P3H2: variants seen among roughly 807,000 people sequenced by gnomAD.
P3H2 encodes leprecan-like 1.
P3H2 carries 80 observed loss-of-function variants against 87.0 expected under a neutral mutation model. The ratio of observed to expected loss-of-function variants is 0.92; its 90% CI spans 0.77 to 1.11. The LOEUF (loss-of-function observed/expected upper bound fraction) is 1.11, where lower values mean the gene tolerates loss of function less well. P3H2 is among the 50% of genes least tolerant of loss of function. The pLI, the probability that P3H2 is intolerant of heterozygous loss-of-function variation, is 0.00. For synonymous variants in P3H2, 367 were observed against 359.3 expected (o/e 1.02, Z -0.24); for missense variants, 1,001 against 923.9 (o/e 1.08, Z -1.08).
At chr3:189,979,517 A>C (rs1023993240) in intron 8 of P3H2, among the ~76,000 whole-genome samples, 1 of 152,168 alleles carries the variant, frequency 6.6e-6, no homozygotes, top group African/African-American at 2.4e-5. Context: ...AGGGCCCAGA[A>C]AAATTGAGTC....
chr3:190,103,789 T>C (rs1245205675), intron 1 of P3H2, among the ~76,000 whole-genome samples: 1 of 152,024 alleles, frequency 6.6e-6, no homozygotes, highest in African/African-American at 2.4e-5. Context: ...ATTAGAAAAG[T>C]TTTTCAGTAG....
chr3:189,994,055 T>A, intron 3 of P3H2, 39 bp downstream of exon 3: 2 of 1,485,294 alleles, frequency 1.3e-6, no homozygotes, highest in Non-Finnish European at 1.9e-6. Context: ...AGTATTTTTA[T>A]AATCAAGAAA....
Position 190,066,158 on chromosome 3 carries a change from T to TATATATATATATATATATACACACACAC in P3H2, c.480+54093_480+54094insGTGTGTGTGTATATATATATATATATAT, listed in dbSNP as rs1256956930. Among the ~76,000 whole-genome samples, 304 of 134,394 alleles carry TATATATATATATATATATACACACACAC rather than the reference T, an allele frequency of 2.3e-3. 1 individual carries two copies. The highest frequency in any genetic ancestry group is 7.9e-3 in the Middle Eastern group (2 of 252). 88.2% of individuals were successfully genotyped at this position (134,394 alleles called of 152,430 possible). ...ACTGTGGTGTGTATATATATATATA[T>TATATATATATATATATATACACACACAC]ACACACACACACACACACACATATA... On this transcript the variant is annotated intron_variant, in intron 1 of 14. Transcript: ENST00000319332.
chr3:190,095,339 T>TAC (rs1727539480), intron 1 of P3H2, among the ~76,000 whole-genome samples: 1 of 130,380 alleles, frequency 7.7e-6, no homozygotes, highest in Non-Finnish European at 1.7e-5. Context: ...TATATATATA[T>TAC]ATATATATAT....
rs1030125901 is a variant in P3H2, at chr3:190,021,269, A to G, written c.481-25827T>C. 2.2e-5 allele frequency among the ~76,000 whole-genome samples: 3 copies of G among 135,316 alleles called. 1 individual carries two copies. The highest frequency in any genetic ancestry group is 1.5e-4 in the Admixed American group (2 of 13,366). The allele number at this position is 135,316 out of a possible 152,430, so 88.8% of individuals were successfully genotyped here. A position where few individuals can be genotyped will look rare whatever the true frequency, so the allele number is the denominator to read the frequency against. On this transcript the variant is annotated intron_variant, in intron 1 of 14. Transcript: ENST00000319332. The stretch of plus-strand genomic sequence containing the variant: ...GATGTTTTAGTCTGGTGGAGAAATG[A>G]GCACAATCAGTGGTTCCCTTTCTTA...
intron 6 of P3H2, among the ~76,000 whole-genome samples, chr3:189,985,429 G>A (rs1418369442): frequency 6.6e-6 from 1 of 151,418 alleles, no homozygotes; most frequent in Non-Finnish European, 1.5e-5. Flanking sequence ...TAAATTTGTG[G>A]TAAAATGGTA....
In P3H2 at chr3:189,988,070, G is replaced by A. The variant is rs938762264; in HGVS notation, c.956-401C>T. Among the ~76,000 whole-genome samples the A allele has an allele frequency of 3.9e-5, 6 of 152,138 alleles. No homozygotes were observed. In the South Asian group the frequency reaches 1.0e-3, roughly 26 times the overall value. ...ATGTACCATTTTATATATAATGTATGAGTAACATAAGTGCTTTTAAAATGT... is the reference window on the plus strand; with the variant it reads ...ATGTACCATTTTATATATAATGTATAAGTAACATAAGTGCTTTTAAAATGT... On this transcript the variant is annotated intron_variant, in intron 4 of 14. Coordinates refer to ENST00000319332, the MANE Select transcript of P3H2 (RefSeq NM_018192.4).
Position 189,989,034 on chromosome 3 carries a change from G to A in P3H2, c.828C>T (p.His276=). The A allele has an allele frequency of 6.2e-7, 1 of 1,614,132 alleles. No homozygotes were observed. Among genetic ancestry groups the A allele is most frequent in the Non-Finnish European group, 8.5e-7 (1 of 1,180,018 alleles). ...KAGLYEAIAD[H]YMQVLVCQHE... Reference sequence around the variant, plus strand: ...GCTGACAAACAAGCACCTGCATGTAGTGATCTGGAAGACAAGAGCCAATAC... The same window carrying A: ...GCTGACAAACAAGCACCTGCATGTAATGATCTGGAAGACAAGAGCCAATAC... Residue 276 remains histidine (H), a synonymous_variant, in exon 4 of 15, where the codon CAC becomes CAT. Transcript: ENST00000319332.
chr3:189,976,936 T>G (rs1424724310), intron 8 of P3H2, among the ~76,000 whole-genome samples: 1 of 152,334 alleles, frequency 6.6e-6, no homozygotes, highest in East Asian at 1.9e-4. Flanking sequence ...TTGAAAGTTC[T>G]GGGAAAGTAC....
chr3:189,994,045 A>C (rs775097834), intron 3 of P3H2, 49 bp downstream of exon 3: 1 of 1,384,272 alleles, frequency 7.2e-7, no homozygotes, highest in Non-Finnish European at 1.0e-6. Context: ...AATTGCAAGT[A>C]GTATTTTTAT....
chr3:190,104,436 G>A (rs918063072), intron 1 of P3H2, among the ~76,000 whole-genome samples: 16 of 151,970 alleles, frequency 1.1e-4, no homozygotes. Context: ...AAAGAGGAGG[G>A]AGCTGGATAA....
intron 8 of P3H2, among the ~76,000 whole-genome samples, chr3:189,974,930 T>G (rs1238138853): frequency 6.6e-6 from 1 of 152,156 alleles, no homozygotes; most frequent in African/African-American, 2.4e-5. Context: ...TTGGGAGAGA[T>G]AGAACTACTT....
At chr3:190,119,013 G>C (rs1712407138) in intron 1 of P3H2, among the ~76,000 whole-genome samples, 1 of 151,834 alleles carries the variant, frequency 6.6e-6, no homozygotes, top group East Asian at 1.9e-4. Flanking sequence ...GCTGAGGCAG[G>C]AGAATCGTTT....
intron 1 of P3H2, among the ~76,000 whole-genome samples, chr3:190,000,144 C>T (rs762483843): frequency 1.2e-4 from 19 of 152,226 alleles, no homozygotes; most frequent in Non-Finnish European, 2.4e-4. Context: ...CACATCATGA[C>T]ATTCAAGAAC....
At chr3:190,067,623 C>A (rs917305387) in intron 1 of P3H2, among the ~76,000 whole-genome samples, 5 of 152,162 alleles carry the variant, frequency 3.3e-5, no homozygotes, top group Non-Finnish European at 7.3e-5. Context: ...CACCTCCCCT[C>A]CAGCCATAAA....
At chr3:189,970,987 A>G in intron 12 of P3H2, 96 bp from the exon 13 acceptor site, 1 of 730,470 alleles carries the variant, frequency 1.4e-6, no homozygotes, top group Non-Finnish European at 2.5e-6. Flanking sequence ...TCCAGCCTCC[A>G]TTAGTAAGTT....
rs1172543471 is a variant in P3H2 at position 189,987,650 on chromosome 3, G to C, written c.975C>G (p.Ala325=). ...AYYRVGEYVK[A]LECAKAYLLC... ...GAAGATAGGCTTTGGCACACTCCAG[G>C]GCTTTCACATACTCACCAACTGAAA... is the stretch of plus-strand genomic sequence containing the variant. The change falls in exon 5 of 15, where the codon GCC becomes GCG. Residue 325 remains alanine, a synonymous_variant. Coordinates refer to ENST00000319332, the MANE Select transcript of P3H2 (RefSeq NM_018192.4). 3 of 1,613,966 alleles carry C rather than the reference G, an allele frequency of 1.9e-6. No individual in the cohort carries two copies. Among genetic ancestry groups the C allele is most frequent in the Admixed American group, 3.3e-5 (2 of 59,990 alleles).
chr3:190,047,460 T>C (rs1725842644), intron 1 of P3H2, among the ~76,000 whole-genome samples: 1 of 152,220 alleles, frequency 6.6e-6, no homozygotes, highest in Admixed American at 6.5e-5. Context: ...GTATTCACAA[T>C]AGCTAAGCTG....
intron 1 of P3H2, among the ~76,000 whole-genome samples, chr3:190,070,566 C>T (rs1726667477): frequency 6.6e-6 from 1 of 152,094 alleles, no homozygotes; most frequent in Non-Finnish European, 1.5e-5. Flanking sequence ...CAAGAGCACA[C>T]GGTCCAAGGA....
Sources: allele counts gnomAD v4.1 joint callset (sites outside exome capture counted in the v4.1 genomes callset), GRCh38; gene constraint gnomAD v4.1.1; transcripts MANE v1.5; gene names NCBI Gene and HGNC (gene_info 2026-07-23, HGNC 2026-07-21).